SALL4: variants seen among roughly 807,000 people sequenced by gnomAD.
SALL4 encodes spalt like transcription factor 4.
Under a neutral mutation model 60.8 loss-of-function variants are expected in SALL4, and 4 were observed. The ratio of observed to expected loss-of-function variants is 0.07; its 90% CI spans 0.03 to 0.15. The LOEUF (loss-of-function observed/expected upper bound fraction) is 0.15. SALL4 is among the 10% of genes least tolerant of loss of function. SALL4 has a pLI of 1.00. For missense variants in SALL4, 1,178 were observed against 1,394.7 expected (o/e 0.84, Z 2.48); for synonymous variants, 580 against 574.9 (o/e 1.01, Z -0.13).
intron 3 of SALL4, among the ~76,000 whole-genome samples, chr20:51,786,796 G>A (rs1304476283): frequency 1.3e-5 from 2 of 152,186 alleles, no homozygotes; most frequent in African/African-American, 4.8e-5. Context: ...AAAAATTTCA[G>A]TTAAAAACAA....
In SALL4 at chr20:51,790,883, C is replaced by T. The variant is rs2078033599; in HGVS notation, c.1600G>A (p.Gly534Ser). ...GGGGTCCCACTCCCTTGGAAGCCAC[C>T]AGCCCTTGGGGAATTATAGTTTGGT... ...VGPNYNSPRAGGFQGSGTPEP... is the reference protein window; with the variant it reads ...VGPNYNSPRASGFQGSGTPEP... Residue 534 changes from glycine to serine, a missense_variant, in exon 2 of 4, where the codon GGT (glycine) becomes AGT (serine). By Grantham distance (56) the Gly-to-Ser change is moderately conservative. Transcript: ENST00000217086. The surrounding 1 kb of genome is among the most constrained non-coding windows in gnomAD (Gnocchi z 5.5). 6.2e-7 allele frequency: 1 copy of T among 1,614,138 alleles called. No homozygotes were observed. The highest frequency in any genetic ancestry group is 1.3e-5 in the African/African-American group (1 of 75,046).
chr20:51,789,559 A>G (rs1448399412), intron 2 of SALL4, among the ~76,000 whole-genome samples: 6 of 152,164 alleles, frequency 3.9e-5, no homozygotes, highest in Non-Finnish European at 8.8e-5. Flanking sequence ...CCCTGCTTCA[A>G]GAGTGGCTAA....
rs2078007629 is a variant in SALL4, at chr20:51,788,367, T to C, written c.2742+494A>G. On this transcript the variant is annotated intron_variant, in intron 3 of 3. Transcript: ENST00000217086. The surrounding 1 kb of genome is among the most constrained non-coding windows in gnomAD (Gnocchi z 4.1). ...TGTGTGTGTGTGTGTGTAAAGACGT[T>C]GTCTCCCTATGTTGCCAGGCTGGTC... Among the ~76,000 whole-genome samples, 1 of 148,558 alleles carries C rather than the reference T, an allele frequency of 6.7e-6. No homozygotes were observed. Among genetic ancestry groups the C allele is most frequent in the Non-Finnish European group, 1.5e-5 (1 of 67,350 alleles).
At chr20:51,798,253 G>A (rs967495081) in intron 1 of SALL4, among the ~76,000 whole-genome samples, 2 of 152,142 alleles carry the variant, frequency 1.3e-5, no homozygotes, top group African/African-American at 4.8e-5. Context: ...CTGCTGGAGA[G>A]GAAAAAAAGA....
Position 51,784,003 on chromosome 20 carries a change from G to C in SALL4, c.*262C>G, listed in dbSNP as rs1373769507. 2 of 452,554 alleles carry C rather than the reference G, an allele frequency of 4.4e-6. No individual in the cohort carries two copies. Among genetic ancestry groups the C allele is most frequent in the Admixed American group, 3.4e-5 (1 of 28,996 alleles). 28.0% of individuals were successfully genotyped at this position (452,554 alleles called of 1,614,324 possible). A position where few individuals can be genotyped will look rare whatever the true frequency, so the allele number is the denominator to read the frequency against. On this transcript the variant is annotated 3_prime_UTR_variant, in exon 4 of 4. Transcript: ENST00000217086. ...CCACTGCACTCCAGCCTGGGTGATAGAGCGAGACTCCATCTCAAAAAAAAA... is the reference window on the plus strand; with the variant it reads ...CCACTGCACTCCAGCCTGGGTGATACAGCGAGACTCCATCTCAAAAAAAAA...
rs1568859648 is a variant in SALL4, at chr20:51,784,552, C to T, written c.2875G>A (p.Ala959Thr). ...ACAGGGTCCACATTCACTGAAGGGG[C>T]CAGGATTTCCTTGGGAAAGATTTCT... is the stretch of plus-strand genomic sequence containing the variant. ...VSEIFPKEIL[A>T]PSVNVDPVVW... The change falls in exon 4 of 4, where the codon GCC (alanine) becomes ACC (threonine). Residue 959 changes from alanine (A) to threonine (T), a missense_variant. This residue lies in a region of SALL4 where 174 missense variants were observed against 169.6 expected (regional missense o/e 1.03). Transcript: ENST00000217086. The T allele has an allele frequency of 1.1e-5, 18 of 1,614,124 alleles. No individual in the cohort carries two copies. Among genetic ancestry groups the T allele is most frequent in the South Asian group, 2.2e-5 (2 of 91,066 alleles).
intron 1 of SALL4, among the ~76,000 whole-genome samples, chr20:51,800,985 C>T (rs2078106251): frequency 1.3e-5 from 2 of 152,184 alleles, no homozygotes; most frequent in South Asian, 4.1e-4. Flanking sequence ...ACCGTCTTCT[C>T]GGGAAACCCC....
chr20:51,790,777 A>G lies in SALL4; in HGVS notation c.1706T>C (p.Leu569Pro). 1.2e-6 allele frequency: 2 copies of G among 1,614,004 alleles called. No individual in the cohort carries two copies. Among genetic ancestry groups the G allele is most frequent in the Non-Finnish European group, 1.7e-6 (2 of 1,180,012 alleles). Reference protein sequence around the residue: ...DKATTDPNECLICHRVLSCQS... With the variant: ...DKATTDPNECPICHRVLSCQS... ...ACAGCTTAAGACTCGGTGGCAAATG[A>G]GACATTCGTTGGGATCAGTGGTGGC... is the stretch of plus-strand genomic sequence containing the variant. Residue 569 changes from leucine to proline, a missense_variant, in exon 2 of 4, where the codon CTC (leucine) becomes CCC (proline). Physicochemically the swap from Leu to Pro is moderately conservative, Grantham distance 98. Around this residue, in one of 5 missense-constraint regions of SALL4, gnomAD observed 853 missense variants for 1,036.8 expected, o/e 0.82. Coordinates refer to ENST00000217086, the MANE Select transcript of SALL4 (RefSeq NM_020436.5). The surrounding 1 kb of genome is among the most constrained non-coding windows in gnomAD (Gnocchi z 5.5).
At position 51,792,284 on chromosome 20, in the gene SALL4, G is replaced by A. The variant is rs765869556; in HGVS notation, c.199C>T (p.Arg67Cys). The A allele has an allele frequency of 3.7e-6, 6 of 1,611,194 alleles. No homozygotes were observed. The highest frequency in any genetic ancestry group is 4.2e-6 in the Non-Finnish European group (5 of 1,180,012). ...TCACAGACGTGCGTCTCCTCCCGAC[G>A]AAGCCGCTTTACTGTGGCTTCATCC... is the stretch of plus-strand genomic sequence containing the variant. ...SEDEATVKRL[R>C]REETHVCEKC... is the part of the protein sequence containing the mutation. The change falls in exon 2 of 4, where the codon CGT (arginine) becomes TGT (cysteine). Residue 67 changes from arginine (R) to cysteine (C), a missense_variant. Arg to Cys is a radical substitution (Grantham distance 180). This residue lies in a region of SALL4 where 108 missense variants were observed against 95.7 expected (regional missense o/e 1.13). Transcript: ENST00000217086.
chr20:51,783,761 G>A lies in SALL4; in HGVS notation c.*504C>T, dbSNP rs1283254445. ...AAAAGTGCCAGGCGTGGTAGCTCAT[G>A]CCTGTAATCCCAGCACTTTGGGAGG... On this transcript the variant is annotated 3_prime_UTR_variant, in exon 4 of 4. Coordinates refer to ENST00000217086, the MANE Select transcript of SALL4 (RefSeq NM_020436.5). The A allele has an allele frequency of 1.3e-5, 2 of 158,930 alleles. No individual in the cohort carries two copies. The highest frequency in any genetic ancestry group is 2.8e-5 in the Non-Finnish European group (2 of 72,344). 9.8% of individuals were successfully genotyped at this position (158,930 alleles called of 1,614,324 possible). A position where few individuals can be genotyped will look rare whatever the true frequency, so the allele number is the denominator to read the frequency against.
chr20:51,785,866 T>TCTCGTGAC (rs1051390628), intron 3 of SALL4, among the ~76,000 whole-genome samples: 4 of 151,956 alleles, frequency 2.6e-5, no homozygotes, highest in African/African-American at 9.7e-5. Context: ...ATGGTCTTGA[T>TCTCGTGAC]CTCGTGACCT....
intron 2 of SALL4, among the ~76,000 whole-genome samples, chr20:51,789,625 T>C (rs1011294711): frequency 9.9e-5 from 15 of 152,112 alleles, no homozygotes; most frequent in African/African-American, 3.1e-4. Flanking sequence ...CACGGCTTAT[T>C]TCAGTGGTCA....
In SALL4 at chr20:51,791,246, A is replaced by C; in HGVS notation, c.1237T>G (p.Ser413Ala). ...SHTGERPFVC[S>A]VCGHRFTTKG... ...GTGGTGAAGCGATGACCACAGACAG[A>C]GCACACGAAGGGTCTCTCTCCAGTG... Residue 413 changes from serine (S) to alanine (A), a missense_variant, in exon 2 of 4, where the codon TCT becomes GCT. Around this residue, in one of 5 missense-constraint regions of SALL4, gnomAD observed 853 missense variants for 1,036.8 expected, o/e 0.82. Coordinates refer to ENST00000217086, the MANE Select transcript of SALL4 (RefSeq NM_020436.5). This position sits in a 1 kb window ranked among gnomAD's most constrained non-coding sequence, Gnocchi z 4.6. The C allele has an allele frequency of 6.2e-7, 1 of 1,614,062 alleles. No individual in the cohort carries two copies.
At chr20:51,797,051 C>T (rs1292589217) in intron 1 of SALL4, among the ~76,000 whole-genome samples, 2 of 151,880 alleles carry the variant, frequency 1.3e-5, no homozygotes, top group African/African-American at 2.4e-5. Context: ...TTTCACTAAG[C>T]TGAACTAAAA....
rs1179113342 is a variant in SALL4, at chr20:51,790,816, TCCA to T, written c.1664_1666del (p.Val555del). 1.2e-6 allele frequency: 2 copies of T among 1,614,122 alleles called. No individual in the cohort carries two copies. The highest frequency in any genetic ancestry group is 1.1e-5 in the South Asian group (1 of 91,088). ...ATCAGTGGTGGCCTTGTCAATGTTCTCCACCAACTGCTGCAATTTCAGGGTCTC... is the reference window on the plus strand; with the variant it reads ...ATCAGTGGTGGCCTTGTCAATGTTCTCCAACTGCTGCAATTTCAGGGTCTC... On this transcript the variant is annotated inframe_deletion, in exon 2 of 4. Coordinates refer to ENST00000217086, the MANE Select transcript of SALL4 (RefSeq NM_020436.5). This position sits in a 1 kb window ranked among gnomAD's most constrained non-coding sequence, Gnocchi z 5.5.
chr20:51,784,619 C>A lies in SALL4; in HGVS notation c.2808G>T (p.Glu936Asp). Reference protein sequence around the residue: ...SARRGRKLAIENTMALLGTDG... With the variant: ...SARRGRKLAIDNTMALLGTDG... ...CCGTACCTAACAGAGCCATGGTGTT[C>A]TCGATGGCCAACTTCCTTCCACGGC... is the stretch of plus-strand genomic sequence containing the variant. The change falls in exon 4 of 4, where the codon GAG becomes GAT. Residue 936 changes from glutamate (E) to aspartate (D), a missense_variant. Glu to Asp is a conservative substitution (Grantham distance 45). Around this residue, in one of 5 missense-constraint regions of SALL4, gnomAD observed 174 missense variants for 169.6 expected, o/e 1.03. Coordinates refer to ENST00000217086, the MANE Select transcript of SALL4 (RefSeq NM_020436.5). 1 of 1,614,178 alleles carries A rather than the reference C, an allele frequency of 6.2e-7. No homozygotes were observed. Among genetic ancestry groups the A allele is most frequent in the Non-Finnish European group, 8.5e-7 (1 of 1,180,048 alleles).
In SALL4 at chr20:51,788,846, C is replaced by T; in HGVS notation, c.2742+15G>A. 6.2e-7 allele frequency: 1 copy of T among 1,613,588 alleles called. No individual in the cohort carries two copies. The highest frequency in any genetic ancestry group is 8.5e-7 in the Non-Finnish European group (1 of 1,180,034). ...TGCCTAGCCCCCATCCTGCTGAAAG[C>T]CCACACAAACCCACCTTTAAGTTGC... On this transcript the variant is annotated intron_variant, in intron 3 of 3. Transcript: ENST00000217086. This position sits in a 1 kb window ranked among gnomAD's most constrained non-coding sequence, Gnocchi z 4.1.
At chr20:51,800,594 G>A (rs1324866552) in intron 1 of SALL4, among the ~76,000 whole-genome samples, 1 of 152,198 alleles carries the variant, frequency 6.6e-6, no homozygotes, top group Non-Finnish European at 1.5e-5. Context: ...GGAAGGGGAG[G>A]TCAGCGTAGG....
intron 3 of SALL4, among the ~76,000 whole-genome samples, chr20:51,787,196 T>C (rs936561426): frequency 9.2e-5 from 14 of 151,964 alleles, no homozygotes; most frequent in Non-Finnish European, 2.1e-4. Flanking sequence ...TCAGAGCAGG[T>C]GGATCACCTG....
Sources: allele counts gnomAD v4.1 joint callset (sites outside exome capture counted in the v4.1 genomes callset), GRCh38; gene constraint gnomAD v4.1.1; regional missense constraint gnomAD v4.1.1; non-coding constraint Gnocchi (gnomAD v3.1); transcripts MANE v1.5; gene names NCBI Gene and HGNC (gene_info 2026-07-23, HGNC 2026-07-21).